SPMIP3: variants seen among roughly 807,000 people sequenced by gnomAD.
SPMIP3 encodes protein SPMIP3.
At chr1:244,378,586 G>A in the SPMIP3 span, 1 of 1,614,118 alleles carries the variant, frequency 6.2e-7, no homozygotes, top group Non-Finnish European at 8.5e-7. Context: ...GCCGAGCCAT[G>A]GTATAAAGAA....
At chr1:244,374,791 T>G in the SPMIP3 span, among the ~76,000 whole-genome samples, 1 of 151,602 alleles carries the variant, frequency 6.6e-6, no homozygotes, top group African/African-American at 2.4e-5. Flanking sequence ...AGAGATGGGG[T>G]TTCACCATGT....
chr1:244,355,668 G>A, the SPMIP3 span, among the ~76,000 whole-genome samples: 1 of 152,192 alleles, frequency 6.6e-6, no homozygotes, highest in African/African-American at 2.4e-5. Context: ...TTACAGGCAT[G>A]AGCCACCGCG....
At chr1:244,378,608 A>G in the SPMIP3 span, 1 of 1,614,052 alleles carries the variant, frequency 6.2e-7, no homozygotes, top group Non-Finnish European at 8.5e-7. Context: ...CCACTTACCG[A>G]CGAGACTATT....
chr1:244,380,117 GTTTTTCTTTTTT>G, the SPMIP3 span, among the ~76,000 whole-genome samples: 2 of 132,174 alleles, frequency 1.5e-5, no homozygotes, highest in Non-Finnish European at 3.2e-5. Flanking sequence ...CATTCACAGA[GTTTTTCTTTTTT>G]TTTTTTTTTT....
chr1:244,376,045 G>A, the SPMIP3 span, among the ~76,000 whole-genome samples: 5 of 152,090 alleles, frequency 3.3e-5, no homozygotes, highest in Non-Finnish European at 7.4e-5. Flanking sequence ...CATCATTCAA[G>A]GCACCTACTT....
At chr1:244,366,834 C>T in the SPMIP3 span, among the ~76,000 whole-genome samples, 1 of 151,862 alleles carries the variant, frequency 6.6e-6, no homozygotes, top group African/African-American at 2.4e-5. Flanking sequence ...GAGCCGAGAT[C>T]GCACTACTGC....
the SPMIP3 span, among the ~76,000 whole-genome samples, chr1:244,366,426 A>G: frequency 6.6e-6 from 1 of 152,138 alleles, no homozygotes; most frequent in Admixed American, 6.6e-5. Flanking sequence ...TGGTATCACA[A>G]AGTGTGGGAT....
chr1:244,388,613 G>A, the SPMIP3 span, among the ~76,000 whole-genome samples: 1 of 152,218 alleles, frequency 6.6e-6, no homozygotes, highest in East Asian at 1.9e-4. Context: ...AAATAATTTA[G>A]GGATGGCAAT....
chr1:244,359,838 C>T, the SPMIP3 span, among the ~76,000 whole-genome samples: 2 of 152,016 alleles, frequency 1.3e-5, no homozygotes, highest in African/African-American at 4.8e-5. Context: ...TGGCCCGGGG[C>T]GGTGGCTCAC....
chr1:244,373,415 A>C, the SPMIP3 span, among the ~76,000 whole-genome samples: 1 of 142,154 alleles, frequency 7.0e-6, no homozygotes, highest in Admixed American at 7.1e-5. Flanking sequence ...AAACAGGAGG[A>C]TCTCTGGATC....
At chr1:244,382,324 G>A in the SPMIP3 span, among the ~76,000 whole-genome samples, 1 of 151,996 alleles carries the variant, frequency 6.6e-6, no homozygotes, top group Non-Finnish European at 1.5e-5. Context: ...CCGGGAAAAT[G>A]TCTATGCAAT....
At chr1:244,378,919 TTTTA>T in the SPMIP3 span, among the ~76,000 whole-genome samples, 2 of 151,816 alleles carry the variant, frequency 1.3e-5, no homozygotes, top group South Asian at 2.1e-4. Context: ...TTCTTTTATC[TTTTA>T]TTTATTTTTA....
the SPMIP3 span, among the ~76,000 whole-genome samples, chr1:244,362,795 C>T: frequency 1.3e-5 from 2 of 151,934 alleles, no homozygotes; most frequent in Admixed American, 1.3e-4. Flanking sequence ...GCCTTTGTCC[C>T]CCAGCCACTC....
At chr1:244,374,585 CTCTTTTTT>C in the SPMIP3 span, among the ~76,000 whole-genome samples, 1 of 127,298 alleles carries the variant, frequency 7.9e-6, no homozygotes, top group Non-Finnish European at 1.6e-5. Context: ...TCCCACATTT[CTCTTTTTT>C]TTTTTTTTTT....
At chr1:244,373,678 T>C in the SPMIP3 span, among the ~76,000 whole-genome samples, 1 of 151,786 alleles carries the variant, frequency 6.6e-6, no homozygotes, top group African/African-American at 2.4e-5. Context: ...AATTTAAAAA[T>C]ATTAGGTTGG....
chr1:244,379,391 G>A, the SPMIP3 span, among the ~76,000 whole-genome samples: 5 of 151,558 alleles, frequency 3.3e-5, no homozygotes, highest in Non-Finnish European at 5.9e-5. Context: ...TTTTTATAGA[G>A]ATGAGGGTCT....
At chr1:244,374,583 T>G in the SPMIP3 span, among the ~76,000 whole-genome samples, 5 of 142,956 alleles carry the variant, frequency 3.5e-5, no homozygotes, top group African/African-American at 1.0e-4. Flanking sequence ...ATTCCCACAT[T>G]TCTCTTTTTT....
the SPMIP3 span, among the ~76,000 whole-genome samples, chr1:244,362,258 T>C: frequency 3.3e-5 from 5 of 152,254 alleles, no homozygotes; most frequent in East Asian, 1.9e-4. Flanking sequence ...TTCTGTCTCC[T>C]GGTTACTGAA....
chr1:244,365,065 C>A, the SPMIP3 span, among the ~76,000 whole-genome samples: 1 of 152,146 alleles, frequency 6.6e-6, no homozygotes, highest in Non-Finnish European at 1.5e-5. Flanking sequence ...TGGATGTCTG[C>A]GCCATTACCC....
Sources: allele counts gnomAD v4.1 joint callset (sites outside exome capture counted in the v4.1 genomes callset), GRCh38; gene constraint gnomAD v4.1.1; transcripts MANE v1.5; gene names NCBI Gene and HGNC (gene_info 2026-07-23, HGNC 2026-07-21).